Variants in RBMS3 observed in about 807,000 individuals in gnomAD.
The protein encoded by RBMS3 is RNA binding motif single stranded interacting protein 3, also known as RNA-binding motif, single-stranded-interacting protein 3.
Under a neutral mutation model 66.8 loss-of-function variants are expected in RBMS3, and 27 were observed. The observed-to-expected ratio is 0.40, with a 90% CI of 0.30 to 0.56. The LOEUF (loss-of-function observed/expected upper bound fraction) is 0.56, where lower values mean the gene tolerates loss of function less well. Ranked by LOEUF, RBMS3 falls within the 20% of genes least tolerant of loss-of-function variation. RBMS3 has a pLI of 0.40. For synonymous variants in RBMS3, 188 were observed against 183.0 expected (o/e 1.03, Z -0.22); for missense variants, 513 against 549.5 (o/e 0.93, Z 0.66).
chr3:29,942,173 A>C (rs571291825), intron 11 of RBMS3, among the ~76,000 whole-genome samples: 1 of 151,834 alleles, frequency 6.6e-6, no homozygotes, highest in Non-Finnish European at 1.5e-5. Context: ...GCAGCATGAA[A>C]TCGTAAGAGA....
intron 2 of RBMS3, among the ~76,000 whole-genome samples, chr3:29,463,687 G>T (rs2042445971): frequency 6.6e-6 from 1 of 151,438 alleles, no homozygotes; most frequent in Non-Finnish European, 1.5e-5. Context: ...ACTACTCTGG[G>T]TCCTGGCAGC....
At chr3:29,810,041 G>A (rs1036499237) in intron 6 of RBMS3, among the ~76,000 whole-genome samples, 1 of 151,990 alleles carries the variant, frequency 6.6e-6, no homozygotes, top group African/African-American at 2.4e-5. Context: ...AGGAAGCATC[G>A]TTTTCAATTT....
intron 4 of RBMS3, among the ~76,000 whole-genome samples, chr3:29,596,702 C>T (rs761558903): frequency 5.3e-5 from 8 of 152,104 alleles, no homozygotes; most frequent in South Asian, 2.1e-4. Flanking sequence ...GTCTCTTCAG[C>T]GGAGCTTGGC....
chr3:29,998,869 T>C (rs1210952811), intron 14 of RBMS3, among the ~76,000 whole-genome samples: 1 of 152,126 alleles, frequency 6.6e-6, no homozygotes, highest in Non-Finnish European at 1.5e-5. Flanking sequence ...GGCAAGGACT[T>C]CATGTCTAAA....
chr3:29,337,143 G>A (rs941095736), intron 1 of RBMS3, among the ~76,000 whole-genome samples: 1 of 151,992 alleles, frequency 6.6e-6, no homozygotes, highest in African/African-American at 2.4e-5. Flanking sequence ...TCACTTTAAA[G>A]TTGGTGCTCA....
intron 4 of RBMS3, among the ~76,000 whole-genome samples, chr3:29,607,023 A>T (rs187801499): frequency 6.6e-6 from 1 of 152,012 alleles, no homozygotes; most frequent in African/African-American, 2.4e-5. Context: ...TTTGCTTCAC[A>T]GTTTCACTAA....
intron 4 of RBMS3, among the ~76,000 whole-genome samples, chr3:29,591,988 A>G (rs1039856494): frequency 6.6e-6 from 1 of 152,112 alleles, no homozygotes; most frequent in Non-Finnish European, 1.5e-5. Flanking sequence ...CTTGAAAGGC[A>G]TAATGTAAAA....
chr3:29,902,496 T>C (rs2060279102), intron 10 of RBMS3, among the ~76,000 whole-genome samples: 1 of 151,744 alleles, frequency 6.6e-6, no homozygotes, highest in African/African-American at 2.4e-5. Flanking sequence ...ACAAGACAAA[T>C]TGCTTACATT....
At position 29,483,075 on chromosome 3, in the gene RBMS3, C is replaced by T. The variant is rs149725766; in HGVS notation, c.249-5366C>T. Among the ~76,000 whole-genome samples the T allele has an allele frequency of 5.4e-3, 822 of 151,616 alleles. 6 individuals are homozygous for T. Among genetic ancestry groups the T allele is most frequent in the African/African-American group, 0.019 (786 of 41,352 alleles). On this transcript the variant is annotated intron_variant, in intron 2 of 14. Coordinates refer to ENST00000383767, the MANE Select transcript of RBMS3 (RefSeq NM_001003793.3). The stretch of plus-strand genomic sequence containing the variant: ...AAGTTTTAAAAGTAGTTCTCCATAT[C>T]GACAGAAAGTTCCCTTAGTCGAGAT...
At chr3:29,528,492 A>G (rs1293250955) in intron 3 of RBMS3, among the ~76,000 whole-genome samples, 4 of 152,152 alleles carry the variant, frequency 2.6e-5, no homozygotes, top group Admixed American at 1.3e-4. Context: ...TACTAACCAC[A>G]TCAGCACACA....
intron 6 of RBMS3, among the ~76,000 whole-genome samples, chr3:29,817,222 C>T (rs1160008572): frequency 2.9e-5 from 3 of 103,144 alleles, no homozygotes; most frequent in Admixed American, 1.0e-4. Context: ...AAGTCTCACT[C>T]TGTCACCCAG....
chr3:29,754,168 G>T (rs897345529), intron 5 of RBMS3, among the ~76,000 whole-genome samples: 2 of 151,800 alleles, frequency 1.3e-5, no homozygotes, highest in Non-Finnish European at 2.9e-5. Flanking sequence ...TGGCCAGGCT[G>T]GTCCGAACTC....
chr3:29,431,588 G>C (rs2041205957), intron 1 of RBMS3, among the ~76,000 whole-genome samples: 1 of 151,986 alleles, frequency 6.6e-6, no homozygotes, highest in African/African-American at 2.4e-5. Context: ...ACCGCGCCCA[G>C]CCAAAAAACG....
intron 4 of RBMS3, among the ~76,000 whole-genome samples, chr3:29,720,428 C>A (rs930672168): frequency 1.5e-4 from 23 of 151,942 alleles, no homozygotes; most frequent in Non-Finnish European, 3.1e-4. Context: ...TTTACAGTAA[C>A]CCTATGGTAG....
chr3:29,936,064 T>C (rs764045948), intron 10 of RBMS3, 22 bp from the exon 11 acceptor site: 12 of 1,580,188 alleles, frequency 7.6e-6, no homozygotes, highest in Non-Finnish European at 1.0e-5. Flanking sequence ...TATTTTCAAA[T>C]GGACATTGTA....
chr3:29,951,751 G>A (rs1053171154), intron 12 of RBMS3, among the ~76,000 whole-genome samples: 2 of 151,432 alleles, frequency 1.3e-5, no homozygotes, highest in African/African-American at 4.8e-5. Context: ...AATAGTAAGA[G>A]AGTTAATTAT....
chr3:29,384,423 T>TAAGAAGAAGAAGAAGAAGAAG, intron 1 of RBMS3, among the ~76,000 whole-genome samples: 2 of 97,126 alleles, frequency 2.1e-5, no homozygotes, highest in African/African-American at 7.0e-5. Flanking sequence ...ACACCAATAA[T>TAAGAAGAAGAAGAAGAAGAAG]AATAATAATA....
chr3:29,574,779 T>C (rs1043842765), intron 3 of RBMS3, among the ~76,000 whole-genome samples: 2 of 151,900 alleles, frequency 1.3e-5, no homozygotes, highest in African/African-American at 4.8e-5. Context: ...TACTATCTTA[T>C]AACCTGTTAT....
At chr3:29,499,885 A>C (rs2148934534) in intron 3 of RBMS3, among the ~76,000 whole-genome samples, 1 of 152,222 alleles carries the variant, frequency 6.6e-6, no homozygotes, top group East Asian at 1.9e-4. Context: ...ACTGTCAAAA[A>C]ACACACTGGG....
Sources: gnomAD v4.1 joint callset for allele counts (sites outside exome capture counted in the v4.1 genomes callset) on GRCh38, gnomAD v4.1.1 for gene constraint, MANE v1.5 for transcripts, NCBI Gene and HGNC (gene_info 2026-07-23, HGNC 2026-07-21) for gene names.